Variants in TMEM87A observed in about 807,000 individuals in gnomAD.
The protein encoded by TMEM87A is Golgi-pH regulating cation channel.
In TMEM87A, 50 loss-of-function variants were observed where a neutral mutation model predicts 90.0. The observed-to-expected ratio is 0.56, with a 90% CI of 0.44 to 0.70. The LOEUF (loss-of-function observed/expected upper bound fraction) is 0.70, where lower values mean the gene tolerates loss of function less well. Among genes scored for constraint, TMEM87A ranks in the 30% least tolerant of loss-of-function variants. The pLI is 0.00. For synonymous variants in TMEM87A, 226 were observed against 226.7 expected (o/e 1.00, Z 0.03); for missense variants, 577 against 660.5 (o/e 0.87, Z 1.39).
chr15:42,234,781 A>G (rs1380121494), intron 10 of TMEM87A, among the ~76,000 whole-genome samples: 3 of 152,102 alleles, frequency 2.0e-5, no homozygotes, highest in Non-Finnish European at 4.4e-5. Context: ...AACTATCACT[A>G]TGACCCTCCA....
At chr15:42,238,819 A>ACACT (rs2050821565) in intron 8 of TMEM87A, among the ~76,000 whole-genome samples, 1 of 150,920 alleles carries the variant, frequency 6.6e-6, no homozygotes, top group South Asian at 2.1e-4. Flanking sequence ...GATGAAGACA[A>ACACT]CACTGAAGAA....
intron 11 of TMEM87A, among the ~76,000 whole-genome samples, chr15:42,232,453 G>C (rs1386799911): frequency 6.6e-6 from 1 of 152,082 alleles, no homozygotes; most frequent in Non-Finnish European, 1.5e-5. Context: ...CTCAAAAATG[G>C]TGTGAAACTT....
At chr15:42,270,274 G>A (rs1477090881) in intron 2 of TMEM87A, among the ~76,000 whole-genome samples, 1 of 152,044 alleles carries the variant, frequency 6.6e-6, no homozygotes. Flanking sequence ...GGAGGCTGAG[G>A]CAGAAGAATC....
intron 10 of TMEM87A, among the ~76,000 whole-genome samples, chr15:42,234,934 C>T (rs889855171): frequency 3.9e-5 from 6 of 152,216 alleles, no homozygotes; most frequent in Non-Finnish European, 8.8e-5. Flanking sequence ...CTTCATCTTA[C>T]AGACTTCTAA....
chr15:42,252,571 C>T (rs1394673894), intron 6 of TMEM87A, among the ~76,000 whole-genome samples: 1 of 152,082 alleles, frequency 6.6e-6, no homozygotes, highest in Non-Finnish European at 1.5e-5. Context: ...CTTTCTCCCT[C>T]TCTTCTCCCT....
At chr15:42,217,775 A>G in intron 19 of TMEM87A, 28 bp downstream of exon 19, 1 of 1,609,694 alleles carries the variant, frequency 6.2e-7, no homozygotes, top group Non-Finnish European at 8.5e-7. Flanking sequence ...CCATATACAT[A>G]ATTTATGCAC....
chr15:42,251,231 G>A (rs1052891404), intron 6 of TMEM87A, among the ~76,000 whole-genome samples: 2 of 152,196 alleles, frequency 1.3e-5, no homozygotes, highest in African/African-American at 4.8e-5. Context: ...ACCTTCTGAA[G>A]CCTACTTCTG....
At chr15:42,264,700 T>TATATATATATATATATATA (rs35725330) in intron 3 of TMEM87A, among the ~76,000 whole-genome samples, 2 of 5,154 alleles carry the variant, frequency 3.9e-4, no homozygotes, top group African/African-American at 5.5e-4. Flanking sequence ...TATATATATA[T>TATATATATATATATATATA]TTTTTTTTTA....
At position 42,211,736 on chromosome 15, in the gene TMEM87A, G is replaced by A; in HGVS notation, c.1640C>T (p.Thr547Ile). Residue 547 changes from threonine to isoleucine, a missense_variant, in exon 20 of 20, where the codon ACA becomes ATA. Thr to Ile is a moderately conservative substitution (Grantham distance 89, BLOSUM62 -1). Coordinates refer to ENST00000389834, the MANE Select transcript of TMEM87A (RefSeq NM_015497.5). ...LLDSDEERMITHFERSKME is the reference protein window; with the variant it reads ...LLDSDEERMIIHFERSKME ...CTCCATTTTGGACCTTTCAAAGTGT[G>A]TGATCATTCGTTCCTAGGGAAAAAA... 2 of 1,610,942 alleles carry A rather than the reference G, an allele frequency of 1.2e-6. No homozygotes were observed. The highest frequency in any genetic ancestry group is 1.7e-5 in the Admixed American group (1 of 59,634).
chr15:42,267,933 T>C lies in TMEM87A; in HGVS notation c.291+14A>G, dbSNP rs1267099483. On this transcript the variant is annotated intron_variant, in intron 3 of 19. Coordinates refer to ENST00000389834, the MANE Select transcript of TMEM87A (RefSeq NM_015497.5). Reference sequence around the variant, plus strand: ...CTAAGGTCCAAAAAAACTCTGTAATTTTATGTTCCTTACCTTGAAGTTATA... The same window carrying C: ...CTAAGGTCCAAAAAAACTCTGTAATCTTATGTTCCTTACCTTGAAGTTATA... 1 of 1,602,710 alleles carries C rather than the reference T, an allele frequency of 6.2e-7. No individual in the cohort carries two copies. The highest frequency in any genetic ancestry group is 2.3e-5 in the East Asian group (1 of 44,432).
chr15:42,228,967 C>A, intron 12 of TMEM87A, 147 bp from the exon 13 acceptor site: 1 of 551,110 alleles, frequency 1.8e-6, no homozygotes, highest in Non-Finnish European at 3.2e-6. Context: ...CACTTAATCT[C>A]ACAAACACCT....
chr15:42,239,248 C>G (rs918269591), intron 8 of TMEM87A, among the ~76,000 whole-genome samples: 1 of 152,100 alleles, frequency 6.6e-6, no homozygotes, highest in Admixed American at 6.5e-5. Context: ...ACCATGTTGG[C>G]CAGGCTGGTC....
intron 6 of TMEM87A, among the ~76,000 whole-genome samples, chr15:42,250,321 G>A (rs1044538637): frequency 6.6e-6 from 1 of 152,150 alleles, no homozygotes; most frequent in Non-Finnish European, 1.5e-5. Context: ...GATACTAGTG[G>A]GTTATTTTGC....
chr15:42,264,248 A>T (rs1414212615), intron 3 of TMEM87A, 45 bp from the exon 4 acceptor site: 2 of 1,326,396 alleles, frequency 1.5e-6, no homozygotes, highest in Admixed American at 3.6e-5. Flanking sequence ...CCTTCCAAAA[A>T]ATAAGATACT....
At chr15:42,232,910 C>CA (rs2050709688) in intron 11 of TMEM87A, 3 of 185,688 alleles carry the variant, frequency 1.6e-5, no homozygotes. Context: ...GTCTGGATTT[C>CA]AGTCTGGATT....
At chr15:42,225,841 C>T (rs2050582290) in intron 15 of TMEM87A, among the ~76,000 whole-genome samples, 1 of 151,574 alleles carries the variant, frequency 6.6e-6, no homozygotes, top group African/African-American at 2.4e-5. Flanking sequence ...CTGGTTGACA[C>T]AATAGATTAT....
intron 6 of TMEM87A, among the ~76,000 whole-genome samples, chr15:42,253,755 T>G (rs2051127844): frequency 6.6e-6 from 1 of 152,184 alleles, no homozygotes; most frequent in South Asian, 2.1e-4. Context: ...CTTATTAAGT[T>G]TTGGTTAGAT....
chr15:42,272,132 A>G lies in TMEM87A; in HGVS notation c.145-9T>C. 3 of 1,600,974 alleles carry G rather than the reference A, an allele frequency of 1.9e-6. No individual in the cohort carries two copies. Among genetic ancestry groups the G allele is most frequent in the South Asian group, 1.1e-5 (1 of 88,896 alleles). On this transcript the variant is annotated splice_polypyrimidine_tract_variant and intron_variant, in intron 1 of 19. Coordinates refer to ENST00000389834, the MANE Select transcript of TMEM87A (RefSeq NM_015497.5). ...CTAAAATAATTTTTCCCCTGCAAAC[A>G]TAAAGGAAAGATAATTAGCCTCAGA... is the stretch of plus-strand genomic sequence containing the variant.
At chr15:42,249,783 T>C (rs2051049795) in intron 6 of TMEM87A, among the ~76,000 whole-genome samples, 2 of 152,234 alleles carry the variant, frequency 1.3e-5, no homozygotes, top group Admixed American at 1.3e-4. Context: ...TAGATGTCTG[T>C]TAGGTCTGCT....
Sources: gnomAD v4.1 joint callset for allele counts (sites outside exome capture counted in the v4.1 genomes callset) on GRCh38, gnomAD v4.1.1 for gene constraint, MANE v1.5 for transcripts, NCBI Gene and HGNC (gene_info 2026-07-23, HGNC 2026-07-21) for gene names.